EYS: variants seen among roughly 807,000 people sequenced by gnomAD.
EYS encodes protein eyes shut homolog.
EYS carries 250 observed loss-of-function variants against 282.1 expected under a neutral mutation model. The ratio of observed to expected loss-of-function variants is 0.89; its 90% confidence interval spans 0.80 to 0.98. EYS has a LOEUF of 0.98. Ranked by LOEUF, EYS falls within the 50% of genes least tolerant of loss-of-function variation. The pLI, the probability that EYS is intolerant of heterozygous loss-of-function variation, is 0.00. For synonymous variants in EYS, 1,355 were observed against 1,282.9 expected (o/e 1.06, Z -1.20); for missense variants, 4,016 against 3,709.0 (o/e 1.08, Z -2.15).
intron 33 of EYS, among the ~76,000 whole-genome samples, chr6:64,043,679 G>A (rs1008980653): frequency 6.6e-6 from 1 of 152,158 alleles, no homozygotes; most frequent in African/African-American, 2.4e-5. Context: ...AGAAGATCCT[G>A]GCAATCACTT....
At chr6:65,614,515 A>G (rs1170090625) in intron 2 of EYS, among the ~76,000 whole-genome samples, 2 of 152,096 alleles carry the variant, frequency 1.3e-5, no homozygotes, top group African/African-American at 4.8e-5. Flanking sequence ...AATGAATGTC[A>G]TGACTCAGAA....
At chr6:64,599,367 T>C (rs910015622) in intron 24 of EYS, among the ~76,000 whole-genome samples, 1 of 152,136 alleles carries the variant, frequency 6.6e-6, no homozygotes, top group Admixed American at 6.5e-5. Flanking sequence ...ATTCAGGGTA[T>C]ACGTGGAAGG....
At chr6:65,185,653 A>C (rs998794025) in intron 12 of EYS, among the ~76,000 whole-genome samples, 8 of 151,798 alleles carry the variant, frequency 5.3e-5, no homozygotes, top group African/African-American at 1.9e-4. Flanking sequence ...CATGAGTGCT[A>C]GGCTCTGTTA....
intron 13 of EYS, among the ~76,000 whole-genome samples, chr6:65,053,987 G>T (rs541624112): frequency 6.6e-6 from 1 of 151,868 alleles, no homozygotes; most frequent in East Asian, 1.9e-4. Flanking sequence ...GGCTCAGAGC[G>T]AATTTAATCA....
chr6:64,339,544 G>C (rs1771008732), intron 29 of EYS, among the ~76,000 whole-genome samples: 1 of 151,926 alleles, frequency 6.6e-6, no homozygotes. Flanking sequence ...ATGTAAACTA[G>C]TACAGCCACT....
chr6:65,688,499 A>T (rs1769114429), intron 1 of EYS, among the ~76,000 whole-genome samples: 1 of 152,192 alleles, frequency 6.6e-6, no homozygotes, highest in Non-Finnish European at 1.5e-5. Context: ...AACCTAGGCA[A>T]TACCATTCAG....
At chr6:65,605,754 C>T (rs1283429599) in intron 2 of EYS, among the ~76,000 whole-genome samples, 1 of 151,650 alleles carries the variant, frequency 6.6e-6, no homozygotes, top group Non-Finnish European at 1.5e-5. Context: ...AAGATAGCCA[C>T]ACTTTTTTGA....
chr6:64,953,551 G>A (rs1375342583), intron 14 of EYS, among the ~76,000 whole-genome samples: 1 of 151,656 alleles, frequency 6.6e-6, no homozygotes, highest in East Asian at 1.9e-4. Context: ...TGATACTCAG[G>A]ATTATACATA....
rs986465327 is a variant in EYS at position 64,530,770 on chromosome 6, G to T, written c.5644+59453C>A. 3.9e-5 allele frequency among the ~76,000 whole-genome samples: 6 copies of T among 152,000 alleles called. No individual in the cohort carries two copies. The South Asian group carries it at 6.2e-4, about 16-fold the overall frequency. On this transcript the variant is annotated intron_variant, in intron 26 of 42. Coordinates refer to ENST00000503581, the MANE Select transcript of EYS (RefSeq NM_001142800.2). Reference sequence around the variant, plus strand: ...GCTAGGGAGGAAGGAATCTAAAAATGTCTCATTAAAATAATCATTTGGTAA... The same window carrying T: ...GCTAGGGAGGAAGGAATCTAAAAATTTCTCATTAAAATAATCATTTGGTAA...
intron 15 of EYS, among the ~76,000 whole-genome samples, chr6:64,920,056 A>G (rs1241119436): frequency 2.0e-5 from 3 of 152,146 alleles, no homozygotes; most frequent in Non-Finnish European, 2.9e-5. Flanking sequence ...GTGAGATGCC[A>G]TATAGTGAGA....
chr6:64,746,366 T>C (rs1052954225), intron 22 of EYS, among the ~76,000 whole-genome samples: 1 of 151,966 alleles, frequency 6.6e-6, no homozygotes, highest in Admixed American at 6.6e-5. Flanking sequence ...CCCTTCACCA[T>C]GAGATAATGT....
chr6:65,268,043 T>C (rs532814296), intron 12 of EYS, among the ~76,000 whole-genome samples: 3 of 152,026 alleles, frequency 2.0e-5, no homozygotes, highest in African/African-American at 7.2e-5. Context: ...GCTAATGTAA[T>C]AGGCAATTAT....
intron 37 of EYS, among the ~76,000 whole-genome samples, chr6:63,791,532 C>T (rs1341739758): frequency 2.7e-5 from 4 of 147,204 alleles, no homozygotes; most frequent in Non-Finnish European, 6.0e-5. Context: ...GAGCCGAGAT[C>T]GTACCACTGC....
rs183986356 is a variant in EYS at position 63,890,873 on chromosome 6, C to G, written c.7056-26515G>C. ...GACTAAGAACAAGAGAGAGAAGAAT[C>G]AAATAGACACAATAAAAAGTGATAG... On this transcript the variant is annotated intron_variant, in intron 35 of 42. Coordinates refer to ENST00000503581, the MANE Select transcript of EYS (RefSeq NM_001142800.2). Among the ~76,000 whole-genome samples, 1,417 of 152,224 alleles carry G rather than the reference C, an allele frequency of 9.3e-3. 9 individuals carry two copies. The highest frequency in any genetic ancestry group is 0.014 in the Non-Finnish European group (953 of 68,006).
chr6:64,004,097 A>C (rs1436055963), intron 33 of EYS, among the ~76,000 whole-genome samples: 1 of 152,106 alleles, frequency 6.6e-6, no homozygotes, highest in Admixed American at 6.6e-5. Flanking sequence ...CATTTTTTGG[A>C]AGCCTGTTAA....
intron 22 of EYS, among the ~76,000 whole-genome samples, chr6:64,653,259 C>T (rs903115542): frequency 6.6e-6 from 1 of 152,144 alleles, no homozygotes; most frequent in African/African-American, 2.4e-5. Context: ...AGCAAAAAAT[C>T]AACCCTGATA....
intron 26 of EYS, among the ~76,000 whole-genome samples, chr6:64,509,563 T>C (rs540646667): frequency 7.9e-5 from 12 of 152,312 alleles, no homozygotes; most frequent in Admixed American, 6.5e-4. Flanking sequence ...ACTGCCGTCA[T>C]TGCTACATTA....
At chr6:63,851,880 G>C (rs573345236) in intron 36 of EYS, among the ~76,000 whole-genome samples, 1 of 151,964 alleles carries the variant, frequency 6.6e-6, no homozygotes, top group Non-Finnish European at 1.5e-5. Flanking sequence ...TGAATTGGCC[G>C]GGCGCAGTGG....
chr6:64,144,348 T>TTG (rs1774441162), intron 31 of EYS, among the ~76,000 whole-genome samples: 1 of 152,188 alleles, frequency 6.6e-6, no homozygotes, highest in African/African-American at 2.4e-5. Flanking sequence ...CTAGAAATAT[T>TTG]TAACATGTTC....
Sources: gnomAD v4.1 joint callset for allele counts (sites outside exome capture counted in the v4.1 genomes callset) on GRCh38, gnomAD v4.1.1 for gene constraint, MANE v1.5 for transcripts, NCBI Gene and HGNC (gene_info 2026-07-23, HGNC 2026-07-21) for gene names.